Variants in SLC7A9 observed in about 807,000 individuals in gnomAD.
SLC7A9 encodes the protein B(0,+)-type amino acid transporter 1.
SLC7A9 carries 38 observed loss-of-function variants against 54.1 expected under a neutral mutation model. The observed-to-expected ratio is 0.70, with a 90% confidence interval of 0.54 to 0.92. SLC7A9 has a LOEUF of 0.92. SLC7A9 is among the 40% of genes least tolerant of loss of function. SLC7A9 has a pLI of 0.00. For synonymous variants in SLC7A9, 264 were observed against 258.9 expected (o/e 1.02, Z -0.19); for missense variants, 537 against 636.1 (o/e 0.84, Z 1.68).
intron 11 of SLC7A9, among the ~76,000 whole-genome samples, chr19:32,840,862 C>T (rs1045401447): frequency 7.9e-5 from 12 of 152,180 alleles, no homozygotes; most frequent in Admixed American, 7.9e-4. Flanking sequence ...TCCAGTGGGG[C>T]ATCCACTTAG....
At chr19:32,869,147 C>A (rs74819205) in intron 1 of SLC7A9, among the ~76,000 whole-genome samples, 5,589 of 152,084 alleles carry the variant, frequency 0.037, 153 homozygotes, top group South Asian at 0.099. Context: ...CACTTGAACC[C>A]TGGAGGCAGA....
chr19:32,869,029 C>T (rs1969061401), intron 1 of SLC7A9, among the ~76,000 whole-genome samples: 1 of 147,220 alleles, frequency 6.8e-6, no homozygotes, highest in Admixed American at 6.9e-5. Flanking sequence ...GCTAACATGG[C>T]GAACCCCGTC....
At chr19:32,857,695 G>A (rs139728221) in intron 9 of SLC7A9, among the ~76,000 whole-genome samples, 5 of 152,186 alleles carry the variant, frequency 3.3e-5, no homozygotes, top group East Asian at 1.9e-4. Context: ...TGTTCACTGC[G>A]GCAACGTTCA....
At chr19:32,851,123 T>TA (rs1334466875) in intron 9 of SLC7A9, among the ~76,000 whole-genome samples, 2 of 152,182 alleles carry the variant, frequency 1.3e-5, no homozygotes, top group South Asian at 2.1e-4. Flanking sequence ...GGCAAGGACT[T>TA]AATGTCTAAA....
At chr19:32,831,651 C>T (rs184167932) in intron 12 of SLC7A9, among the ~76,000 whole-genome samples, 13 of 152,312 alleles carry the variant, frequency 8.5e-5, no homozygotes, top group African/African-American at 2.6e-4. Context: ...CAAGTGCTTT[C>T]TTTTCAGAAG....
At chr19:32,856,602 C>T (rs1291870502) in intron 9 of SLC7A9, among the ~76,000 whole-genome samples, 1 of 151,802 alleles carries the variant, frequency 6.6e-6, no homozygotes, top group African/African-American at 2.4e-5. Context: ...TACATATATG[C>T]AATTATTGTT....
rs1968737462 is a variant in SLC7A9, at chr19:32,859,755, G to A, written c.873+86C>T. On this transcript the variant is annotated intron_variant, in intron 8 of 12. Transcript: ENST00000023064. ...CGTGAATATCGCCCTCCTTCCCTGG[G>A]AGGGAGCTCACCTCCAGTGCTGACA... The A allele has an allele frequency of 8.0e-6, 9 of 1,132,020 alleles. No individual in the cohort carries two copies. The South Asian group carries it at 1.1e-4, about 14-fold the overall frequency. The allele number at this position is 1,132,020 out of a possible 1,614,324, so 70.1% of individuals were successfully genotyped here.
intron 9 of SLC7A9, among the ~76,000 whole-genome samples, chr19:32,856,800 C>T (rs554293728): frequency 6.6e-6 from 1 of 152,256 alleles, no homozygotes; most frequent in East Asian, 1.9e-4. Context: ...TAGTCTCGAA[C>T]TCCTGGCCTC....
intron 11 of SLC7A9, among the ~76,000 whole-genome samples, chr19:32,841,129 A>G (rs758813444): frequency 1.2e-4 from 19 of 152,194 alleles, no homozygotes; most frequent in Non-Finnish European, 2.4e-4. Flanking sequence ...CAGAAAGACC[A>G]CTGGATGTAT....
At chr19:32,866,210 G>A (rs866932865) in intron 2 of SLC7A9, among the ~76,000 whole-genome samples, 46 of 152,280 alleles carry the variant, frequency 3.0e-4, no homozygotes, top group African/African-American at 1.1e-3. Flanking sequence ...GCACACACCA[G>A]TGGGATCCCT....
intron 12 of SLC7A9, chr19:32,832,755 T>TA (rs35120216): frequency 0.11 from 26,118 of 231,452 alleles, 1,580 homozygotes; most frequent in Middle Eastern, 0.15. Context: ...CTACAAAAAG[T>TA]AAAAAAAATA....
chr19:32,858,768 CTTTATTTA>C (rs71176160), intron 8 of SLC7A9, among the ~76,000 whole-genome samples: 1,662 of 148,612 alleles, frequency 0.011, 40 homozygotes, highest in African/African-American at 0.039. Context: ...TGGCATAAAT[CTTTATTTA>C]TTTATTTATT....
chr19:32,855,526 C>T (rs565717307), intron 9 of SLC7A9, among the ~76,000 whole-genome samples: 27 of 152,116 alleles, frequency 1.8e-4, no homozygotes, highest in East Asian at 7.7e-4. Flanking sequence ...GGTGAAACCC[C>T]ATCTCTACTA....
chr19:32,849,606 G>A (rs535674274), intron 9 of SLC7A9, among the ~76,000 whole-genome samples: 1 of 151,468 alleles, frequency 6.6e-6, no homozygotes, highest in African/African-American at 2.4e-5. Context: ...AGAGGTACAA[G>A]GAGGAGCTGG....
chr19:32,867,401 C>G (rs1969002754), intron 2 of SLC7A9, among the ~76,000 whole-genome samples: 1 of 152,100 alleles, frequency 6.6e-6, no homozygotes, highest in South Asian at 2.1e-4. Flanking sequence ...CCTGTAGTCC[C>G]AGCTACTCAG....
chr19:32,865,507 A>G (rs1968941080), intron 2 of SLC7A9, among the ~76,000 whole-genome samples: 1 of 152,210 alleles, frequency 6.6e-6, no homozygotes, highest in African/African-American at 2.4e-5. Flanking sequence ...CTGAGAACAG[A>G]ACCCAGCTCA....
At chr19:32,861,194 T>G (rs1444253559) in intron 6 of SLC7A9, among the ~76,000 whole-genome samples, 1 of 152,034 alleles carries the variant, frequency 6.6e-6, no homozygotes, top group African/African-American at 2.4e-5. Flanking sequence ...CCCTGCATGG[T>G]GGCAGGTGCC....
At position 32,857,732 on chromosome 19, in the gene SLC7A9, G is replaced by A. The variant is rs186859725; in HGVS notation, c.977+708C>T. 2.6e-5 allele frequency among the ~76,000 whole-genome samples: 4 copies of A among 152,332 alleles called. No individual in the cohort carries two copies. In the East Asian group the frequency reaches 5.8e-4, roughly 22 times the overall value. The stretch of plus-strand genomic sequence containing the variant: ...GGAAACCACCCACACCCAGGTGTGA[G>A]TGAAGGATTTGTTAAGTTATGCTAC... On this transcript the variant is annotated intron_variant, in intron 9 of 12. Coordinates refer to ENST00000023064, the MANE Select transcript of SLC7A9 (RefSeq NM_014270.5).
rs983957462 is a variant in SLC7A9, at chr19:32,846,538, G to A, written c.978-2587C>T. 1.1e-3 allele frequency among the ~76,000 whole-genome samples: 167 copies of A among 152,334 alleles called. 2 individuals are homozygous for A. The highest frequency in any genetic ancestry group is 3.7e-3 in the Admixed American group (57 of 15,306). ...AGCCAGGAAGCTCGAACTGGGTGGA[G>A]CCCACCACAGCTCAAGGAGGCCTGC... On this transcript the variant is annotated intron_variant, in intron 9 of 12. Transcript: ENST00000023064.
Sources: allele counts gnomAD v4.1 joint callset (sites outside exome capture counted in the v4.1 genomes callset), GRCh38; gene constraint gnomAD v4.1.1; transcripts MANE v1.5; gene names NCBI Gene and HGNC (gene_info 2026-07-23, HGNC 2026-07-21).